The following UTP14A variants were observed in gnomAD, a reference collection of about 807,000 sequenced individuals.
UTP14A encodes the protein U3 small nucleolar RNA-associated protein 14 homolog A.
In UTP14A, 5 loss-of-function variants were observed where a neutral mutation model predicts 57.2. That is an observed-to-expected ratio of 0.09 (90% CI 0.05 to 0.18). UTP14A has a LOEUF of 0.18. UTP14A is among the 10% of genes least tolerant of loss of function. The pLI is 1.00. For synonymous variants in UTP14A, 169 were observed against 210.9 expected (o/e 0.80, Z 1.72); for missense variants, 430 against 562.1 (o/e 0.76, Z 2.38).
chrX:129,907,927 T>G (rs1308930422), intron 2 of UTP14A, 133 bp from the exon 3 acceptor site: 5 of 566,999 alleles, frequency 8.8e-6, no homozygotes, highest in Admixed American at 3.5e-5. Flanking sequence ...CTGCACTCCA[T>G]CCTGGGCAAC....
Position 129,920,347 on chromosome X carries a change from T to C in UTP14A, c.753-110T>C, listed in dbSNP as rs1929861168. The stretch of plus-strand genomic sequence containing the variant: ...TCCCTATAGCCAACTAGCTCTATGA[T>C]GCCCATTCCAGCCCCCTGCCTAGGG... On this transcript the variant is annotated intron_variant, in intron 8 of 14. Coordinates refer to ENST00000394422, the MANE Select transcript of UTP14A (RefSeq NM_006649.4). 2.8e-6 allele frequency: 3 copies of C among 1,080,294 alleles called. No homozygotes were observed. In the Admixed American group the frequency reaches 7.0e-5, roughly 25 times the overall value. 89.0% of individuals were successfully genotyped at this position (1,080,294 alleles called of 1,213,427 possible). A position where few individuals can be genotyped will look rare whatever the true frequency, so the allele number is the denominator to read the frequency against.
intron 4 of UTP14A, among the ~76,000 whole-genome samples, chrX:129,910,640 GAC>G (rs1929432025): frequency 8.9e-6 from 1 of 112,351 alleles, no homozygotes; most frequent in Non-Finnish European, 1.9e-5. Context: ...CAGCCTAAGT[GAC>G]AGAGTGAGAC....
intron 6 of UTP14A, among the ~76,000 whole-genome samples, chrX:129,912,599 C>T (rs1929523191): frequency 9.0e-6 from 1 of 111,411 alleles, no homozygotes; most frequent in Non-Finnish European, 1.9e-5. Context: ...AACTCGATAA[C>T]ATTAATGATG....
At chrX:129,913,679 T>G (rs1445439762) in intron 6 of UTP14A, among the ~76,000 whole-genome samples, 1 of 112,333 alleles carries the variant, frequency 8.9e-6, no homozygotes, top group Non-Finnish European at 1.9e-5. Context: ...ATGCCAAGTT[T>G]GTTATTAAAA....
At chrX:129,928,384 CA>C (rs1183151025) in intron 14 of UTP14A, among the ~76,000 whole-genome samples, 298 of 8,739 alleles carry the variant, frequency 0.034, no homozygotes, top group African/African-American at 0.092. Context: ...GACTCCATCT[CA>C]AAAAAAAAAA....
chrX:129,914,259 G>C (rs1451027871), intron 6 of UTP14A, among the ~76,000 whole-genome samples: 2 of 111,129 alleles, frequency 1.8e-5, no homozygotes, highest in Non-Finnish European at 3.8e-5. Context: ...AGTATATGCT[G>C]TATTAGGATT....
At chrX:129,909,130 T>C (rs1208793032) in intron 4 of UTP14A, among the ~76,000 whole-genome samples, 1 of 111,516 alleles carries the variant, frequency 9.0e-6, no homozygotes, top group Non-Finnish European at 1.9e-5. Flanking sequence ...ACATTACTTA[T>C]TCAAGGGCCT....
At chrX:129,916,553 C>T (rs1278315996) in intron 6 of UTP14A, among the ~76,000 whole-genome samples, 1 of 111,561 alleles carries the variant, frequency 9.0e-6, no homozygotes, top group Non-Finnish European at 1.9e-5. Context: ...CAAATTCTGT[C>T]TCTGTAATAG....
chrX:129,906,338 T>TC, intron 1 of UTP14A, 102 bp downstream of exon 1: 4 of 807,569 alleles, frequency 5.0e-6, no homozygotes, highest in South Asian at 2.3e-5. Flanking sequence ...TGGCAGTGGT[T>TC]CCCCTGAAGA....
At chrX:129,919,047 G>T in intron 6 of UTP14A, 128 bp from the exon 7 acceptor site, 2 of 1,024,982 alleles carry the variant, frequency 2.0e-6, no homozygotes, top group Admixed American at 2.6e-5. Flanking sequence ...TTCTCTTGCT[G>T]TAACAGCCAA....
Position 129,926,047 on chromosome X carries a change from G to A in UTP14A, c.1878G>A (p.Leu626=), listed in dbSNP as rs140217119. 7.4e-5 allele frequency: 90 copies of A among 1,210,377 alleles called. No individual in the cohort carries two copies. In the African/African-American group the frequency reaches 1.5e-3, roughly 20 times the overall value. Reference sequence around the variant, plus strand: ...CGAGTAAGCCAAAGGACGTGGACCTGACACTACCTGGCTGGGGCGAGTGGG... The same window carrying A: ...CGAGTAAGCCAAAGGACGTGGACCTAACACTACCTGGCTGGGGCGAGTGGG... ...VEASKPKDVD[L]TLPGWGEWGG... is the part of the protein sequence containing the mutation. The change falls in exon 13 of 15, where the codon CTG becomes CTA. Residue 626 remains leucine, a synonymous_variant. Coordinates refer to ENST00000394422, the MANE Select transcript of UTP14A (RefSeq NM_006649.4).
In UTP14A at chrX:129,925,210, G is replaced by C; in HGVS notation, c.1749+15G>C. ...TAGAGGAGCTGGTGAGCAGAGCCAG[G>C]GTGGTGGGCCATTGTTCAGAAAGTG... On this transcript the variant is annotated intron_variant, in intron 12 of 14. Transcript: ENST00000394422. 1 of 1,195,009 alleles carries C rather than the reference G, an allele frequency of 8.4e-7. No individual in the cohort carries two copies. The highest frequency in any genetic ancestry group is 1.1e-6 in the Non-Finnish European group (1 of 888,557).
At chrX:129,924,389 T>TAC (rs1170541597) in intron 11 of UTP14A, among the ~76,000 whole-genome samples, 1 of 106,715 alleles carries the variant, frequency 9.4e-6, no homozygotes, top group Non-Finnish European at 1.9e-5. Flanking sequence ...CTGGTTCAAG[T>TAC]GATTCTCCTG....
chrX:129,926,959 T>A (rs1371953861), intron 14 of UTP14A, among the ~76,000 whole-genome samples: 3 of 112,239 alleles, frequency 2.7e-5, no homozygotes, highest in Non-Finnish European at 3.8e-5. Context: ...AAGATACACA[T>A]TTCAATAACA....
At position 129,920,448 on chromosome X, in the gene UTP14A, C is replaced by T. The variant is rs201073550; in HGVS notation, c.753-9C>T. 2.3e-4 allele frequency: 277 copies of T among 1,210,467 alleles called. No homozygotes were observed. The highest frequency in any genetic ancestry group is 6.9e-4 in the Middle Eastern group (3 of 4,369). On this transcript the variant is annotated splice_polypyrimidine_tract_variant and intron_variant, in intron 8 of 14. Coordinates refer to ENST00000394422, the MANE Select transcript of UTP14A (RefSeq NM_006649.4). ...TAAATTGCTAAACTCTTCCCTCCTA[C>T]CCCTACAGGTATCACAAAGTCGTGA...
chrX:129,920,187 T>TA (rs372817595), intron 8 of UTP14A, among the ~76,000 whole-genome samples: 5,503 of 103,873 alleles, frequency 0.053, 403 homozygotes, highest in African/African-American at 0.18. Context: ...AGACCCTGTC[T>TA]AAAAAAAAAA....
At chrX:129,908,588 A>G in intron 3 of UTP14A, 82 bp from the exon 4 acceptor site, 1 of 917,902 alleles carries the variant, frequency 1.1e-6, no homozygotes, top group Non-Finnish European at 1.6e-6. Flanking sequence ...GCCCTGTTTG[A>G]AGAGAGAAGT....
At chrX:129,919,610 C>T in intron 8 of UTP14A, 121 bp downstream of exon 8, 4 of 785,611 alleles carry the variant, frequency 5.1e-6, no homozygotes. Context: ...AGGTCCCAAA[C>T]AGGAGTGACT....
chrX:129,926,516 T>G (rs1192552667), intron 14 of UTP14A, among the ~76,000 whole-genome samples, 177 bp downstream of exon 14: 1 of 112,063 alleles, frequency 8.9e-6, no homozygotes, highest in Non-Finnish European at 1.9e-5. Flanking sequence ...CTACGCTGTT[T>G]TAATTACTGG....
Sources: allele counts gnomAD v4.1 joint callset (sites outside exome capture counted in the v4.1 genomes callset), GRCh38; gene constraint gnomAD v4.1.1; transcripts MANE v1.5; gene names NCBI Gene and HGNC (gene_info 2026-07-23, HGNC 2026-07-21).